The following PAK5 variants were observed in gnomAD, a reference collection of about 807,000 sequenced individuals.
PAK5 encodes the protein serine/threonine-protein kinase PAK 5.
Under a neutral mutation model 65.9 loss-of-function variants are expected in PAK5, and 16 were observed. That is an observed-to-expected ratio of 0.24 (90% confidence interval 0.16 to 0.37). The LOEUF (loss-of-function observed/expected upper bound fraction) is 0.37, where lower values mean the gene tolerates loss of function less well. Among genes scored for constraint, PAK5 ranks in the 10% least tolerant of loss-of-function variants. The probability of loss-of-function intolerance (pLI) is 1.00; values close to 1 mark genes in which losing one functional copy is unlikely to be tolerated. For missense variants in PAK5, 785 were observed against 903.9 expected (o/e 0.87, Z 1.69); for synonymous variants, 371 against 354.9 (o/e 1.05, Z -0.51).
chr20:9,758,261 T>G (rs187327255), intron 1 of PAK5, among the ~76,000 whole-genome samples: 129 of 152,296 alleles, frequency 8.5e-4, no homozygotes, highest in African/African-American at 3.0e-3. Flanking sequence ...CCTTATGCTT[T>G]GTGGTGAACT....
chr20:9,562,443 G>T (rs944301894), intron 6 of PAK5, among the ~76,000 whole-genome samples: 1 of 152,176 alleles, frequency 6.6e-6, no homozygotes, highest in Non-Finnish European at 1.5e-5. Context: ...AAACAGAATT[G>T]CAGAATTTCT....
intron 3 of PAK5, among the ~76,000 whole-genome samples, chr20:9,611,451 T>C (rs1417594720): frequency 6.6e-6 from 1 of 152,122 alleles, no homozygotes; most frequent in South Asian, 2.1e-4. Flanking sequence ...CCCTATCTTT[T>C]ATATGTTTCC....
intron 1 of PAK5, among the ~76,000 whole-genome samples, chr20:9,808,188 T>A (rs1248276475): frequency 6.6e-6 from 1 of 152,158 alleles, no homozygotes; most frequent in Non-Finnish European, 1.5e-5. Context: ...AGGTGCAGGT[T>A]ATAAATAATA....
At chr20:9,786,463 C>G (rs529774042) in intron 1 of PAK5, among the ~76,000 whole-genome samples, 2 of 152,234 alleles carry the variant, frequency 1.3e-5, no homozygotes, top group African/African-American at 2.4e-5. Flanking sequence ...AGAGCAAACA[C>G]TTTCCCCTTT....
chr20:9,544,332 C>A (rs569530869), intron 8 of PAK5, 37 bp downstream of exon 8: 1 of 1,607,226 alleles, frequency 6.2e-7, no homozygotes, highest in South Asian at 1.1e-5. Flanking sequence ...TGAGCCTGTC[C>A]CCAGTCCTGC....
In PAK5 at chr20:9,724,517, A is replaced by G. The variant is rs538696297; in HGVS notation, c.-161-13082T>C. On this transcript the variant is annotated intron_variant, in intron 1 of 9. Coordinates refer to ENST00000353224, the MANE Select transcript of PAK5 (RefSeq NM_177990.4). ...TATGTTCACATGGTCATATATCTTT[A>G]CAAAATGTATCAAATAAGAATTTTT... Among the ~76,000 whole-genome samples the G allele has an allele frequency of 5.3e-5, 8 of 152,328 alleles. No homozygotes were observed. In the South Asian group the frequency reaches 1.7e-3, roughly 32 times the overall value.
At chr20:9,629,906 A>G (rs989882200) in intron 3 of PAK5, among the ~76,000 whole-genome samples, 4 of 152,214 alleles carry the variant, frequency 2.6e-5, no homozygotes, top group Non-Finnish European at 4.4e-5. Flanking sequence ...GACATTGAGG[A>G]TGCTGATGGT....
At chr20:9,552,610 T>G (rs192150331) in intron 7 of PAK5, among the ~76,000 whole-genome samples, 5 of 152,358 alleles carry the variant, frequency 3.3e-5, no homozygotes. Flanking sequence ...TTACTTTTAG[T>G]TGATAAAAGA....
intron 2 of PAK5, among the ~76,000 whole-genome samples, chr20:9,645,178 G>A (rs1200818727): frequency 6.6e-6 from 1 of 152,208 alleles, no homozygotes; most frequent in Non-Finnish European, 1.5e-5. Flanking sequence ...ACCAGGGGAA[G>A]AAGGCAGGGA....
At chr20:9,582,497 C>T (rs1047588195) in intron 3 of PAK5, among the ~76,000 whole-genome samples, 1 of 152,110 alleles carries the variant, frequency 6.6e-6, no homozygotes, top group Non-Finnish European at 1.5e-5. Context: ...TACATATCGT[C>T]GACACGACTT....
intron 3 of PAK5, among the ~76,000 whole-genome samples, chr20:9,607,445 A>AG (rs2046475559): frequency 1.3e-5 from 2 of 152,260 alleles, no homozygotes; most frequent in South Asian, 4.1e-4. Context: ...CTTCATTATT[A>AG]GGGCAACTGG....
chr20:9,649,587 AGC>A (rs1230418882), intron 2 of PAK5, among the ~76,000 whole-genome samples: 66 of 152,308 alleles, frequency 4.3e-4, no homozygotes, highest in African/African-American at 1.5e-3. Flanking sequence ...CCCTGCCTTA[AGC>A]ATATGCCTAG....
intron 3 of PAK5, among the ~76,000 whole-genome samples, chr20:9,620,818 G>A (rs1012125799): frequency 6.6e-5 from 10 of 152,074 alleles, no homozygotes; most frequent in Non-Finnish European, 4.4e-5. Flanking sequence ...GACGCCATCA[G>A]TCCCCAGGTG....
At chr20:9,834,202 A>G (rs1386623622) in intron 1 of PAK5, among the ~76,000 whole-genome samples, 1 of 152,196 alleles carries the variant, frequency 6.6e-6, no homozygotes, top group Non-Finnish European at 1.5e-5. Context: ...TCACCCTTTT[A>G]TGAGACTAAT....
intron 1 of PAK5, among the ~76,000 whole-genome samples, chr20:9,720,689 G>C (rs530441819): frequency 2.0e-5 from 3 of 152,144 alleles, no homozygotes; most frequent in South Asian, 2.1e-4. Context: ...ATAGCCAAAA[G>C]GTGTTGTAAC....
intron 1 of PAK5, among the ~76,000 whole-genome samples, chr20:9,718,426 A>G (rs2048175304): frequency 6.6e-6 from 1 of 152,070 alleles, no homozygotes; most frequent in African/African-American, 2.4e-5. Flanking sequence ...TTGTACCCAG[A>G]GATGCAATTT....
chr20:9,614,294 T>A (rs2046615818), intron 3 of PAK5, among the ~76,000 whole-genome samples: 1 of 151,908 alleles, frequency 6.6e-6, no homozygotes. Flanking sequence ...CATCCAGAAC[T>A]GAAAAGCAAA....
At chr20:9,737,543 G>A (rs1458613313) in intron 1 of PAK5, among the ~76,000 whole-genome samples, 1 of 152,000 alleles carries the variant, frequency 6.6e-6, no homozygotes, top group Non-Finnish European at 1.5e-5. Flanking sequence ...AATTATTATT[G>A]AAGATTTAAT....
rs546283254 is a variant in PAK5, at chr20:9,690,540, G to A, written c.-12+20746C>T. Among the ~76,000 whole-genome samples the A allele has an allele frequency of 7.2e-5, 11 of 152,008 alleles. No individual in the cohort carries two copies. The East Asian group carries it at 9.7e-4, about 13-fold the overall frequency. Reference sequence around the variant, plus strand: ...GTGAGTGAATGAGAAAGTGAGTACCGTGGGCAACTGGGCCTCAATCCTGCT... The same window carrying A: ...GTGAGTGAATGAGAAAGTGAGTACCATGGGCAACTGGGCCTCAATCCTGCT... On this transcript the variant is annotated intron_variant, in intron 2 of 9. Transcript: ENST00000353224.
Sources: gnomAD v4.1 joint callset for allele counts (sites outside exome capture counted in the v4.1 genomes callset) on GRCh38, gnomAD v4.1.1 for gene constraint, MANE v1.5 for transcripts, NCBI Gene and HGNC (gene_info 2026-07-23, HGNC 2026-07-21) for gene names.